CFAP53: variants seen among roughly 807,000 people sequenced by gnomAD.
The protein encoded by CFAP53 is cilia and flagella associated protein 53.
In CFAP53, 62 loss-of-function variants were observed where a neutral mutation model predicts 59.7. The observed-to-expected ratio is 1.04, with a 90% CI of 0.85 to 1.28. The LOEUF is 1.28. Among genes scored for constraint, CFAP53 ranks in the 50% most tolerant of loss-of-function variants. The probability of loss-of-function intolerance (pLI) is 0.00; values close to 1 mark genes in which losing one functional copy is unlikely to be tolerated. For missense variants in CFAP53, 629 were observed against 615.6 expected (o/e 1.02, Z -0.23); for synonymous variants, 218 against 205.7 (o/e 1.06, Z -0.51).
chr18:50,244,428 T>A (rs1477669558), intron 5 of CFAP53, among the ~76,000 whole-genome samples: 1 of 152,190 alleles, frequency 6.6e-6, no homozygotes, highest in African/African-American at 2.4e-5. Flanking sequence ...TTCCTGAGCC[T>A]TCCCCAGCCA....
At chr18:50,240,998 A>C (rs2033685094) in intron 6 of CFAP53, among the ~76,000 whole-genome samples, 1 of 152,230 alleles carries the variant, frequency 6.6e-6, no homozygotes, top group African/African-American at 2.4e-5. Flanking sequence ...GGCATACTGT[A>C]GTATAATAAT....
chr18:50,255,377 T>G (rs1408018946), intron 3 of CFAP53, among the ~76,000 whole-genome samples: 1 of 152,080 alleles, frequency 6.6e-6, no homozygotes, highest in African/African-American at 2.4e-5. Flanking sequence ...TGTAGGGTGG[T>G]TACACAGTCT....
rs375795612 is a variant in CFAP53 at position 50,251,598 on chromosome 18, C to T, written c.660G>A (p.Ala220=). 2.2e-5 allele frequency: 35 copies of T among 1,614,102 alleles called. 1 individual carries two copies. The highest frequency in any genetic ancestry group is 2.1e-4 in the South Asian group (19 of 91,090). Residue 220 remains alanine, a synonymous_variant, in exon 4 of 8, where the codon GCG becomes GCA. Coordinates refer to ENST00000398545, the MANE Select transcript of CFAP53 (RefSeq NM_145020.5). The part of the protein sequence containing the change: ...LAKEKREAQE[A]RRQKELMENT... The stretch of plus-strand genomic sequence containing the variant: ...TCTCCATCAGCTCTTTCTGTCTCCT[C>T]GCCTCTTGGGCTTCTCGCTTTTCCT...
intron 7 of CFAP53, among the ~76,000 whole-genome samples, chr18:50,231,119 C>T (rs1198555794): frequency 6.6e-6 from 1 of 152,192 alleles, no homozygotes; most frequent in African/African-American, 2.4e-5. Flanking sequence ...CATCAAACAC[C>T]TCGGCTGACA....
At chr18:50,236,130 C>T (rs1183743221) in intron 7 of CFAP53, among the ~76,000 whole-genome samples, 2 of 152,182 alleles carry the variant, frequency 1.3e-5, no homozygotes, top group African/African-American at 2.4e-5. Flanking sequence ...GATTTATCAT[C>T]AAACACCTCG....
intron 4 of CFAP53, among the ~76,000 whole-genome samples, 193 bp downstream of exon 4, chr18:50,251,288 T>C (rs2144422860): frequency 6.6e-6 from 1 of 152,334 alleles, no homozygotes; most frequent in Non-Finnish European, 1.5e-5. Flanking sequence ...TGCGTTGGCC[T>C]TCCACACTTG....
At chr18:50,240,291 C>G (rs1209186090) in intron 6 of CFAP53, among the ~76,000 whole-genome samples, 1 of 152,076 alleles carries the variant, frequency 6.6e-6, no homozygotes, top group Non-Finnish European at 1.5e-5. Context: ...ATTACCTGCT[C>G]CACCCTAACT....
At position 50,266,431 on chromosome 18, in the gene CFAP53, G is replaced by A. The variant is rs369150562; in HGVS notation, c.-27C>T. On this transcript the variant is annotated 5_prime_UTR_variant, in exon 1 of 8. Transcript: ENST00000398545. Reference sequence around the variant, plus strand: ...TTCGAGTCCCCTTCGGGACGGGGGCGGCGTCCGCCGCGTTTCCCCCAACCG... The same window carrying A: ...TTCGAGTCCCCTTCGGGACGGGGGCAGCGTCCGCCGCGTTTCCCCCAACCG... The A allele has an allele frequency of 3.1e-6, 5 of 1,611,948 alleles. No homozygotes were observed. The highest frequency in any genetic ancestry group is 4.2e-6 in the Non-Finnish European group (5 of 1,177,954).
chr18:50,234,394 C>T (rs1268751455), intron 7 of CFAP53, among the ~76,000 whole-genome samples: 2 of 152,114 alleles, frequency 1.3e-5, no homozygotes, highest in Non-Finnish European at 2.9e-5. Flanking sequence ...TCTGCCAGGC[C>T]CCACATTCAT....
At chr18:50,266,271 G>C in intron 1 of CFAP53, 65 bp downstream of exon 1, 1 of 1,524,334 alleles carries the variant, frequency 6.6e-7, no homozygotes, top group Non-Finnish European at 9.1e-7. Flanking sequence ...AGTGGGATAG[G>C]CCAGGCCTGG....
chr18:50,242,828 T>C lies in CFAP53; in HGVS notation c.1213+72A>G, dbSNP rs1275246091. 5.2e-5 allele frequency: 63 copies of C among 1,203,276 alleles called. No homozygotes were observed. The Middle Eastern group carries it at 5.6e-4, about 11-fold the overall frequency. 74.5% of individuals were successfully genotyped at this position (1,203,276 alleles called of 1,614,324 possible). ...TGTTTTACATAATAAGTATTATGGT[T>C]GTTAGTATTTTGGTTGTTACTTAAA... On this transcript the variant is annotated intron_variant, in intron 6 of 7. Coordinates refer to ENST00000398545, the MANE Select transcript of CFAP53 (RefSeq NM_145020.5).
rs945332011 is a variant in CFAP53 at position 50,245,984 on chromosome 18, G to A, written c.997-2868C>T. On this transcript the variant is annotated intron_variant, in intron 5 of 7. Transcript: ENST00000398545. ...CAGCTCACTGCAACGTCCGCCTCCCGGATCAAGCGATTCTCCTGCCTCAGC... is the reference window on the plus strand; with the variant it reads ...CAGCTCACTGCAACGTCCGCCTCCCAGATCAAGCGATTCTCCTGCCTCAGC... Among the ~76,000 whole-genome samples the A allele has an allele frequency of 8.1e-4, 124 of 152,224 alleles. 9 individuals carry two copies. Among genetic ancestry groups the A allele is most frequent in the Admixed American group, 3.3e-4 (5 of 15,294 alleles).
intron 3 of CFAP53, among the ~76,000 whole-genome samples, chr18:50,252,384 G>A (rs774613949): frequency 1.3e-5 from 2 of 151,958 alleles, no homozygotes; most frequent in Non-Finnish European, 2.9e-5. Context: ...GATTAGAGGC[G>A]TGAGCCACCG....
intron 5 of CFAP53, among the ~76,000 whole-genome samples, chr18:50,246,306 C>T (rs2033744156): frequency 1.3e-5 from 2 of 152,180 alleles, no homozygotes; most frequent in Admixed American, 1.3e-4. Flanking sequence ...ACTGAGTGTC[C>T]AGAAATAAAC....
chr18:50,265,650 G>A (rs2033949463), intron 1 of CFAP53, among the ~76,000 whole-genome samples: 1 of 152,178 alleles, frequency 6.6e-6, no homozygotes, highest in Non-Finnish European at 1.5e-5. Context: ...CTGGTGGGTA[G>A]AAACTAATTT....
chr18:50,240,057 A>T lies in CFAP53; in HGVS notation c.1214-1352T>A, dbSNP rs191166981. The stretch of plus-strand genomic sequence containing the variant: ...CTTCCTCATAAAGTGACCTTTTTTG[A>T]TCAACTGCTCCACCCTGACTCATTC... On this transcript the variant is annotated intron_variant, in intron 6 of 7. Coordinates refer to ENST00000398545, the MANE Select transcript of CFAP53 (RefSeq NM_145020.5). Among the ~76,000 whole-genome samples, 227 of 152,250 alleles carry T rather than the reference A, an allele frequency of 1.5e-3. 2 individuals carry two copies. The highest frequency in any genetic ancestry group is 5.1e-3 in the African/African-American group (210 of 41,542).
Position 50,250,767 on chromosome 18 carries a change from T to C in CFAP53, c.987A>G (p.Lys329=). ...QDLQEEADKK[K]QKREDMIREQ... is the part of the protein sequence containing the mutation. ...CAAAAAAATGTCTTACTCTTTTTTG[T>C]TTCTTTTTATCTGCCTCTTCCTGTA... The change falls in exon 5 of 8, where the codon AAA becomes AAG. Residue 329 remains lysine (K), a synonymous_variant. Coordinates refer to ENST00000398545, the MANE Select transcript of CFAP53 (RefSeq NM_145020.5). The C allele has an allele frequency of 5.0e-6, 8 of 1,614,036 alleles. No homozygotes were observed. The highest frequency in any genetic ancestry group is 5.9e-6 in the Non-Finnish European group (7 of 1,179,964).
At chr18:50,259,154 T>C (rs1806017491) in intron 3 of CFAP53, among the ~76,000 whole-genome samples, 2 of 152,316 alleles carry the variant, frequency 1.3e-5, no homozygotes, top group African/African-American at 4.8e-5. Context: ...TAAACTCCTA[T>C]GTTTGTTGTA....
chr18:50,240,211 CCT>C (rs900732486), intron 6 of CFAP53, among the ~76,000 whole-genome samples: 1 of 150,676 alleles, frequency 6.6e-6, no homozygotes, highest in Non-Finnish European at 1.5e-5. Context: ...CCTGCTCCAC[CCT>C]GACTCATTCT....
Sources: gnomAD v4.1 joint callset for allele counts (sites outside exome capture counted in the v4.1 genomes callset) on GRCh38, gnomAD v4.1.1 for gene constraint, MANE v1.5 for transcripts, NCBI Gene and HGNC (gene_info 2026-07-23, HGNC 2026-07-21) for gene names.